MYH15: variants seen among roughly 807,000 people sequenced by gnomAD.
The protein encoded by MYH15 is myosin heavy chain 15.
A neutral mutation model predicts 240.5 loss-of-function variants in MYH15; 227 were observed. The observed-to-expected ratio is 0.94, with a 90% CI of 0.85 to 1.05. MYH15 has a LOEUF of 1.05. Among genes scored for constraint, MYH15 ranks in the 50% least tolerant of loss-of-function variants. The pLI is 0.00. For synonymous variants in MYH15, 785 were observed against 796.7 expected, an observed-to-expected ratio of 0.99 and a Z score of 0.25; for missense variants, 2,217 against 2,247.5, an observed-to-expected ratio of 0.99 and a Z score of 0.27.
chr3:108,538,488 A>T, the MYH15 span, among the ~76,000 whole-genome samples: 7 of 152,354 alleles, frequency 4.6e-5, no homozygotes, highest in East Asian at 1.3e-3. Context: ...TCTAGGAAAA[A>T]CTTGCATCAA....
At chr3:108,469,012 T>C (rs1211078103) in intron 14 of MYH15, among the ~76,000 whole-genome samples, 1 of 152,206 alleles carries the variant, frequency 6.6e-6, no homozygotes, top group African/African-American at 2.4e-5. Context: ...TGATTCATTA[T>C]TAATATGTTT....
At chr3:108,454,171 C>T in intron 20 of MYH15, 29 bp from the exon 21 acceptor site, 1 of 1,593,508 alleles carries the variant, frequency 6.3e-7, no homozygotes, top group South Asian at 1.1e-5. Context: ...GTTAGCTCCA[C>T]TGATAATGGG....
the MYH15 span, among the ~76,000 whole-genome samples, chr3:108,535,497 C>T: frequency 6.6e-6 from 1 of 152,112 alleles, no homozygotes; most frequent in African/African-American, 2.4e-5. Flanking sequence ...AAAGGCCCCA[C>T]ATCCAAATAT....
intron 40 of MYH15, among the ~76,000 whole-genome samples, 157 bp downstream of exon 40, chr3:108,383,438 A>C (rs892754751): frequency 1.3e-5 from 2 of 152,230 alleles, no homozygotes; most frequent in African/African-American, 4.8e-5. Context: ...AGTATAATTT[A>C]GCAAACATGG....
At chr3:108,468,061 G>T (rs2083136352) in intron 14 of MYH15, among the ~76,000 whole-genome samples, 1 of 151,878 alleles carries the variant, frequency 6.6e-6, no homozygotes, top group Non-Finnish European at 1.5e-5. Context: ...CACCTCCCAG[G>T]TTCTAGCTAT....
upstream of MYH15, among the ~76,000 whole-genome samples, chr3:108,532,534 T>C (rs956587831): frequency 6.6e-6 from 1 of 152,196 alleles, no homozygotes; most frequent in African/African-American, 2.4e-5. Flanking sequence ...ATTGGCTCTC[T>C]TGTATTTCCA....
At chr3:108,455,652 T>TA in intron 20 of MYH15, 84 bp downstream of exon 20, 1 of 1,467,046 alleles carries the variant, frequency 6.8e-7, no homozygotes, top group Non-Finnish European at 9.5e-7. Flanking sequence ...GAATGCCTTA[T>TA]AATTGAGCAT....
At chr3:108,542,272 CAGTGT>C in the MYH15 span, among the ~76,000 whole-genome samples, 1 of 152,068 alleles carries the variant, frequency 6.6e-6, no homozygotes, top group African/African-American at 2.4e-5. Context: ...CCATAGTCTA[CAGTGT>C]AAAGTTCATT....
At chr3:108,411,879 T>G (rs911168387) in intron 30 of MYH15, among the ~76,000 whole-genome samples, 1 of 152,238 alleles carries the variant, frequency 6.6e-6, no homozygotes, top group Non-Finnish European at 1.5e-5. Flanking sequence ...AAAACCCCTA[T>G]GTGCTCAGGA....
upstream of MYH15, among the ~76,000 whole-genome samples, chr3:108,514,960 CTTTTATTGATAATTAA>C (rs2083549316): frequency 2.6e-5 from 4 of 152,110 alleles, no homozygotes; most frequent in South Asian, 6.2e-4. Context: ...TCATCGTCAA[CTTTTATTGATAATTAA>C]TTTTATTGAT....
the MYH15 span, among the ~76,000 whole-genome samples, chr3:108,541,406 T>C: frequency 6.6e-6 from 1 of 151,762 alleles, no homozygotes; most frequent in Non-Finnish European, 1.5e-5. Context: ...TTGCAATTTT[T>C]ATCAAGGACA....
At position 108,456,806 on chromosome 3, in the gene MYH15, C is replaced by A. The variant is rs755755124; in HGVS notation, c.2098G>T (p.Gly700Cys). The change falls in exon 19 of 41, where the codon GGT (glycine) becomes TGT (cysteine). Residue 700 changes from glycine (G) to cysteine (C), a missense_variant. Transcript: ENST00000693548. Reference protein sequence around the residue: ...VLEGTRICREGFPNRLQYADF... With the variant: ...VLEGTRICRECFPNRLQYADF... ...GCATACTGCAGTCGGTTTGGAAAAC[C>A]TTCACGGCATATCCTAGTCCCTTCC... is the stretch of plus-strand genomic sequence containing the variant. The A allele has an allele frequency of 6.2e-7, 1 of 1,613,688 alleles. No individual in the cohort carries two copies. Among genetic ancestry groups the A allele is most frequent in the Non-Finnish European group, 8.5e-7 (1 of 1,179,764 alleles).
At position 108,414,249 on chromosome 3, in the gene MYH15, T is replaced by C; in HGVS notation, c.4128A>G (p.Glu1376=). Residue 1376 remains glutamate (E), a synonymous_variant, in exon 30 of 41, where the codon GAA becomes GAG. Coordinates refer to ENST00000693548, the MANE Select transcript of MYH15 (RefSeq NM_014981.3). ...KYENNVIQRT[E]DLEDAKKELA... ...CTACTCACTTGGCATCCTCCAAGTCTTCTGTTCTCTGGATGACATTGTTTT... is the reference window on the plus strand; with the variant it reads ...CTACTCACTTGGCATCCTCCAAGTCCTCTGTTCTCTGGATGACATTGTTTT... 1 of 1,614,182 alleles carries C rather than the reference T, an allele frequency of 6.2e-7. No individual in the cohort carries two copies. The highest frequency in any genetic ancestry group is 8.5e-7 in the Non-Finnish European group (1 of 1,180,012).
chr3:108,505,714 T>G lies in MYH15; in HGVS notation c.195+9A>C, dbSNP rs761254796. The G allele has an allele frequency of 3.8e-6, 6 of 1,570,586 alleles. No homozygotes were observed. The highest frequency in any genetic ancestry group is 1.4e-5 in the African/African-American group (1 of 73,806). On this transcript the variant is annotated intron_variant, in intron 2 of 40. Coordinates refer to ENST00000693548, the MANE Select transcript of MYH15 (RefSeq NM_014981.3). ...AGTCATCACTGCAATGAAATAAAAATTTCTTTACCTCTCCATCTGCTGTCT... is the reference window on the plus strand; with the variant it reads ...AGTCATCACTGCAATGAAATAAAAAGTTCTTTACCTCTCCATCTGCTGTCT...
intron 27 of MYH15, among the ~76,000 whole-genome samples, chr3:108,423,887 C>T (rs1401304425): frequency 6.6e-6 from 1 of 152,160 alleles, no homozygotes; most frequent in African/African-American, 2.4e-5. Context: ...GACTTGATGT[C>T]CTAGGTGGCC....
At chr3:108,445,540 C>A (rs2082919896) in intron 21 of MYH15, among the ~76,000 whole-genome samples, 1 of 151,444 alleles carries the variant, frequency 6.6e-6, no homozygotes, top group Non-Finnish European at 1.5e-5. Context: ...TAATAAATAC[C>A]TTTTCAACCC....
chr3:108,538,246 G>A, the MYH15 span, among the ~76,000 whole-genome samples: 1 of 152,140 alleles, frequency 6.6e-6, no homozygotes, highest in Admixed American at 6.5e-5. Flanking sequence ...TTAGATGCCA[G>A]ACTGAGCTTC....
rs774435249 is a variant in MYH15 at position 108,485,232 on chromosome 3, G to C, written c.976-3C>G. 1 of 1,613,610 alleles carries C rather than the reference G, an allele frequency of 6.2e-7. No individual in the cohort carries two copies. The highest frequency in any genetic ancestry group is 2.2e-5 in the East Asian group (1 of 44,870). ...AAGCCCAAGATGTCCATGGCTTGCT[G>C]TAAAAAGAGAAACAGATGGCCCTGT... On this transcript the variant is annotated splice_polypyrimidine_tract_variant and splice_region_variant and intron_variant, in intron 10 of 40. Transcript: ENST00000693548.
At chr3:108,524,295 A>C (rs1483784480) in intron 1 of MYH15, among the ~76,000 whole-genome samples, 1 of 152,018 alleles carries the variant, frequency 6.6e-6, no homozygotes, top group Non-Finnish European at 1.5e-5. Flanking sequence ...TTTCTCTGTT[A>C]AAGAATTTGA....
Sources: gnomAD v4.1 joint callset for allele counts (sites outside exome capture counted in the v4.1 genomes callset) on GRCh38, gnomAD v4.1.1 for gene constraint, MANE v1.5 for transcripts, NCBI Gene and HGNC (gene_info 2026-07-23, HGNC 2026-07-21) for gene names.